Variants in ZMAT4 observed in about 807,000 individuals in gnomAD.
The protein encoded by ZMAT4 is zinc finger matrin-type protein 4.
ZMAT4 carries 17 observed loss-of-function variants against 28.7 expected under a neutral mutation model. That is an observed-to-expected ratio of 0.59 (90% CI 0.41 to 0.89). ZMAT4 has a LOEUF of 0.89. ZMAT4 is among the 40% of genes least tolerant of loss of function. The probability of loss-of-function intolerance (pLI) is 0.00; values close to 1 mark genes in which losing one functional copy is unlikely to be tolerated. For missense variants in ZMAT4, 240 were observed against 283.8 expected (o/e 0.85, Z 1.11); for synonymous variants, 117 against 109.2 (o/e 1.07, Z -0.44).
chr8:40,841,991 G>A (rs1055500522), intron 1 of ZMAT4, among the ~76,000 whole-genome samples: 3 of 152,184 alleles, frequency 2.0e-5, no homozygotes, highest in Non-Finnish European at 4.4e-5. Flanking sequence ...CTAGAGCCAA[G>A]GGAGGAGCTC....
At chr8:40,604,298 A>T (rs921942562) in intron 5 of ZMAT4, among the ~76,000 whole-genome samples, 1 of 152,170 alleles carries the variant, frequency 6.6e-6, no homozygotes, top group African/African-American at 2.4e-5. Flanking sequence ...GTCTTGTTCC[A>T]GTTCCCAGGG....
intron 5 of ZMAT4, among the ~76,000 whole-genome samples, chr8:40,613,438 C>T (rs1363825147): frequency 1.3e-5 from 2 of 152,058 alleles, no homozygotes; most frequent in Admixed American, 6.6e-5. Flanking sequence ...CCCATCTCGG[C>T]CTCCTAAAGT....
chr8:40,613,912 A>G (rs532282493), intron 5 of ZMAT4, among the ~76,000 whole-genome samples: 43 of 152,352 alleles, frequency 2.8e-4, no homozygotes, highest in Admixed American at 9.1e-4. Flanking sequence ...AAAGAAAATC[A>G]TAAGGGCTGA....
chr8:40,594,199 C>A (rs1423394306), intron 5 of ZMAT4, among the ~76,000 whole-genome samples: 6 of 152,160 alleles, frequency 3.9e-5, no homozygotes, highest in Non-Finnish European at 7.3e-5. Flanking sequence ...TCGTGGGACA[C>A]ATGACGGGGC....
chr8:40,698,595 G>T (rs770277438), intron 3 of ZMAT4, among the ~76,000 whole-genome samples: 19 of 152,168 alleles, frequency 1.2e-4, no homozygotes, highest in Non-Finnish European at 2.5e-4. Flanking sequence ...GGAGGATGAG[G>T]GTGGCAACTG....
intron 1 of ZMAT4, among the ~76,000 whole-genome samples, chr8:40,828,903 G>T (rs1232023970): frequency 2.0e-5 from 3 of 151,850 alleles, no homozygotes; most frequent in African/African-American, 7.3e-5. Flanking sequence ...TTTAGAAGAG[G>T]ATTTTAGCTT....
At chr8:40,549,049 C>T (rs940586355) in intron 6 of ZMAT4, among the ~76,000 whole-genome samples, 2 of 152,184 alleles carry the variant, frequency 1.3e-5, no homozygotes, top group South Asian at 2.1e-4. Flanking sequence ...GTGATGAGGT[C>T]ATGAGGCCTC....
intron 5 of ZMAT4, among the ~76,000 whole-genome samples, chr8:40,598,654 A>G (rs899345690): frequency 6.6e-6 from 1 of 152,166 alleles, no homozygotes; most frequent in Non-Finnish European, 1.5e-5. Context: ...TGCTCTTGTG[A>G]ATAGTGCTGC....
chr8:40,532,307 C>T, intron 6 of ZMAT4, 69 bp from the exon 7 acceptor site: 2 of 1,417,216 alleles, frequency 1.4e-6, no homozygotes, highest in East Asian at 2.5e-5. Context: ...TCTTTCTCCC[C>T]CCCACCCCCT....
intron 3 of ZMAT4, among the ~76,000 whole-genome samples, chr8:40,727,947 G>A (rs190681371): frequency 5.9e-5 from 9 of 152,184 alleles, no homozygotes; most frequent in Admixed American, 3.3e-4. Context: ...AAGAATATGA[G>A]CTAGCCTTTA....
chr8:40,629,657 T>C (rs892688553), intron 5 of ZMAT4, among the ~76,000 whole-genome samples: 2 of 149,710 alleles, frequency 1.3e-5, no homozygotes, highest in Non-Finnish European at 1.5e-5. Context: ...ACATGCGGTG[T>C]TTGGTTTTTT....
At chr8:40,805,878 A>G (rs1296068623) in intron 2 of ZMAT4, among the ~76,000 whole-genome samples, 1 of 152,008 alleles carries the variant, frequency 6.6e-6, no homozygotes, top group African/African-American at 2.4e-5. Context: ...AGCATGGCAC[A>G]TGTATACACA....
intron 2 of ZMAT4, among the ~76,000 whole-genome samples, chr8:40,824,193 T>C (rs1815934231): frequency 6.6e-6 from 1 of 152,138 alleles, no homozygotes; most frequent in South Asian, 2.1e-4. Context: ...AAAAAGAAAA[T>C]TGCTGGATAA....
intron 5 of ZMAT4, among the ~76,000 whole-genome samples, chr8:40,581,589 C>G (rs139883107): frequency 1.3e-5 from 2 of 152,214 alleles, no homozygotes; most frequent in African/African-American, 2.4e-5. Context: ...ACATAATACA[C>G]TGTCATCTCT....
intron 5 of ZMAT4, among the ~76,000 whole-genome samples, chr8:40,634,923 C>A (rs1291174020): frequency 6.6e-6 from 1 of 152,186 alleles, no homozygotes; most frequent in African/African-American, 2.4e-5. Flanking sequence ...CAGCACCTTG[C>A]ACTTCATTTG....
chr8:40,861,207 T>G (rs1294945300), intron 1 of ZMAT4, among the ~76,000 whole-genome samples: 2 of 152,226 alleles, frequency 1.3e-5, no homozygotes, highest in East Asian at 3.9e-4. Context: ...ACATGCTAAG[T>G]GCTCGGTAGG....
intron 1 of ZMAT4, among the ~76,000 whole-genome samples, chr8:40,843,134 C>T (rs1335075010): frequency 6.6e-6 from 1 of 152,184 alleles, no homozygotes; most frequent in Non-Finnish European, 1.5e-5. Flanking sequence ...AATGCAAGCC[C>T]CTGACAGAGA....
chr8:40,678,537 G>A (rs771911607), intron 4 of ZMAT4, among the ~76,000 whole-genome samples: 1 of 152,096 alleles, frequency 6.6e-6, no homozygotes, highest in Non-Finnish European at 1.5e-5. Flanking sequence ...TGCTTTGTGG[G>A]GCCTTAACAA....
intron 2 of ZMAT4, among the ~76,000 whole-genome samples, chr8:40,812,950 T>A (rs201409608): frequency 0.058 from 3,008 of 51,898 alleles, 97 homozygotes; most frequent in African/African-American, 0.097. Flanking sequence ...TAAATTAAAT[T>A]AAATTAAATT....
Sources: allele counts gnomAD v4.1 joint callset (sites outside exome capture counted in the v4.1 genomes callset), GRCh38; gene constraint gnomAD v4.1.1; transcripts MANE v1.5; gene names NCBI Gene and HGNC (gene_info 2026-07-23, HGNC 2026-07-21).